Variants in TMEM132D observed in about 807,000 individuals in gnomAD.
The protein encoded by TMEM132D is mature OL transmembrane protein.
In TMEM132D, 21 loss-of-function variants were observed where a neutral mutation model predicts 62.3. The ratio of observed to expected loss-of-function variants is 0.34; its 90% CI spans 0.24 to 0.49. The LOEUF is 0.49. TMEM132D is among the 20% of genes least tolerant of loss of function. TMEM132D has a pLI of 0.99. For missense variants in TMEM132D, 1,346 were observed against 1,402.8 expected, an observed-to-expected ratio of 0.96 and a Z score of 0.65; for synonymous variants, 621 against 575.6, an observed-to-expected ratio of 1.08 and a Z score of -1.13.
Position 129,779,849 on chromosome 12 carries a change from C to G in TMEM132D, c.80-79151G>C, listed in dbSNP as rs552137136. ...AGACAGAGAGAAATGAACTGAGCTG[C>G]GAGGACAATAATTAAAAGAATCTGC... is the stretch of plus-strand genomic sequence containing the variant. On this transcript the variant is annotated intron_variant, in intron 1 of 8. Transcript: ENST00000422113. The surrounding 1 kb of genome is among the most constrained non-coding windows in gnomAD (Gnocchi z 4.1). Among the ~76,000 whole-genome samples the G allele has an allele frequency of 5.3e-5, 8 of 152,054 alleles. No individual in the cohort carries two copies. Among genetic ancestry groups the G allele is most frequent in the African/African-American group, 1.7e-4 (7 of 41,396 alleles).
At chr12:129,537,029 G>A (rs546471653) in intron 2 of TMEM132D, among the ~76,000 whole-genome samples, 161 of 151,920 alleles carry the variant, frequency 1.1e-3, no homozygotes, top group African/African-American at 3.6e-3. Flanking sequence ...GGTGGTGTAT[G>A]CCTGTAATCC....
At chr12:129,589,458 T>G (rs1878130456) in intron 2 of TMEM132D, among the ~76,000 whole-genome samples, 1 of 152,178 alleles carries the variant, frequency 6.6e-6, no homozygotes, top group African/African-American at 2.4e-5. Context: ...GGGGAAGGGA[T>G]GGACAATTGG....
intron 1 of TMEM132D, among the ~76,000 whole-genome samples, chr12:129,843,638 C>T (rs540279391): frequency 5.9e-5 from 9 of 152,222 alleles, no homozygotes; most frequent in Non-Finnish European, 1.3e-4. Flanking sequence ...CAGGAAGGGA[C>T]CTTCACAGTA....
intron 3 of TMEM132D, among the ~76,000 whole-genome samples, chr12:129,386,117 C>A (rs2135690446): frequency 6.6e-6 from 1 of 152,270 alleles, no homozygotes; most frequent in East Asian, 1.9e-4. Context: ...CAGCATACAC[C>A]CTTGATCTCA....
At chr12:129,602,226 T>C (rs1450473095) in intron 2 of TMEM132D, among the ~76,000 whole-genome samples, 2 of 152,194 alleles carry the variant, frequency 1.3e-5, no homozygotes, top group African/African-American at 4.8e-5. Flanking sequence ...GCAAGTATTA[T>C]ATCCACACTA....
intron 3 of TMEM132D, among the ~76,000 whole-genome samples, chr12:129,349,919 A>T (rs1391719517): frequency 6.6e-6 from 1 of 152,202 alleles, no homozygotes; most frequent in African/African-American, 2.4e-5. Context: ...CTAGGAATTC[A>T]GTACCACCTT....
At position 129,301,901 on chromosome 12, in the gene TMEM132D, C is replaced by T. The variant is rs78595855; in HGVS notation, c.1299+35733G>A. Reference sequence around the variant, plus strand: ...ATTCTATTGTCTCAGGTGGTGATGACGCTGAAGGGAACATAATATTTTAGG... The same window carrying T: ...ATTCTATTGTCTCAGGTGGTGATGATGCTGAAGGGAACATAATATTTTAGG... On this transcript the variant is annotated intron_variant, in intron 4 of 8. Transcript: ENST00000422113. Among the ~76,000 whole-genome samples, 491 of 151,942 alleles carry T rather than the reference C, an allele frequency of 3.2e-3. 8 individuals carry two copies. The highest frequency in any genetic ancestry group is 0.011 in the African/African-American group (436 of 41,440).
Position 129,074,592 on chromosome 12 carries a change from G to T in TMEM132D, c.2583C>A (p.Ile861=), listed in dbSNP as rs1874187611. The T allele has an allele frequency of 6.2e-7, 1 of 1,614,062 alleles. No individual in the cohort carries two copies. Among genetic ancestry groups the T allele is most frequent in the Non-Finnish European group, 8.5e-7 (1 of 1,180,026 alleles). Residue 861 remains isoleucine, a synonymous_variant, in exon 9 of 9, where the codon ATC becomes ATA. Transcript: ENST00000422113. ...TTTCCTGGCCTTTCTTCTTCTGCAG[G>T]ATGGACCTGTCTGTCGTGGTGCCCC... is the stretch of plus-strand genomic sequence containing the variant. The part of the protein sequence containing the change: ...EGRGTTTDRS[I]LQKKKGQESL...
chr12:129,096,045 G>C (rs1475744757), intron 5 of TMEM132D, among the ~76,000 whole-genome samples: 2 of 152,186 alleles, frequency 1.3e-5, no homozygotes, highest in African/African-American at 2.4e-5. Flanking sequence ...TCATAGATCA[G>C]AGGTGTTAAA....
chr12:129,285,539 A>AAAAAAAAAAAAAAAAAAAAAAAAAAG (rs56018646), intron 4 of TMEM132D, among the ~76,000 whole-genome samples: 1 of 90,030 alleles, frequency 1.1e-5, no homozygotes, highest in Non-Finnish European at 2.1e-5. Flanking sequence ...AAAAAAAAAA[A>AAAAAAAAAAAAAAAAAAAAAAAAAAG]AGAGAGAGAG....
intron 2 of TMEM132D, among the ~76,000 whole-genome samples, chr12:129,644,314 T>G (rs749433743): frequency 6.6e-6 from 1 of 152,170 alleles, no homozygotes; most frequent in African/African-American, 2.4e-5. Flanking sequence ...TTTTCAGAGT[T>G]CACAATTCTT....
intron 2 of TMEM132D, among the ~76,000 whole-genome samples, chr12:129,656,851 T>A (rs1314233270): frequency 6.6e-6 from 1 of 152,200 alleles, no homozygotes; most frequent in Non-Finnish European, 1.5e-5. Flanking sequence ...AAGTATCTCA[T>A]CTGATGTTAC....
Position 129,695,651 on chromosome 12 carries a change from G to A in TMEM132D, c.968+4159C>T, listed in dbSNP as rs561937518. Reference sequence around the variant, plus strand: ...ATGTATTCTTAATGAAGGGTAATTCGAGGAACCATTTTACTTCATGGAAGC... The same window carrying A: ...ATGTATTCTTAATGAAGGGTAATTCAAGGAACCATTTTACTTCATGGAAGC... On this transcript the variant is annotated intron_variant, in intron 2 of 8. Coordinates refer to ENST00000422113, the MANE Select transcript of TMEM132D (RefSeq NM_133448.3). Among the ~76,000 whole-genome samples the A allele has an allele frequency of 4.6e-5, 7 of 152,360 alleles. No homozygotes were observed. The South Asian group carries it at 1.2e-3, about 27-fold the overall frequency.
chr12:129,743,656 C>T (rs1228272973), intron 1 of TMEM132D, among the ~76,000 whole-genome samples: 1 of 152,158 alleles, frequency 6.6e-6, no homozygotes, highest in Non-Finnish European at 1.5e-5. Context: ...TCCTTGAAAC[C>T]TGTGAACATG....
rs200644267 is a variant in TMEM132D, at chr12:129,588,793, C to T, written c.969-57588G>A. On this transcript the variant is annotated intron_variant, in intron 2 of 8. Transcript: ENST00000422113. ...ATTTTTAGTAGAGACAGGGTTTCAC[C>T]GTGTTATACTCATTTATAAATCCAA... is the stretch of plus-strand genomic sequence containing the variant. 3.0e-4 allele frequency among the ~76,000 whole-genome samples: 42 copies of T among 140,672 alleles called. No homozygotes were observed. In the East Asian group the frequency reaches 5.8e-3, roughly 19 times the overall value. 92.3% of individuals were successfully genotyped at this position (140,672 alleles called of 152,430 possible). A position where few individuals can be genotyped will look rare whatever the true frequency, so the allele number is the denominator to read the frequency against.
intron 3 of TMEM132D, among the ~76,000 whole-genome samples, chr12:129,432,979 G>A (rs1189364647): frequency 1.3e-5 from 2 of 152,122 alleles, no homozygotes; most frequent in Admixed American, 1.3e-4. Context: ...GCAACATAGG[G>A]TAGTTTCATC....
In TMEM132D at chr12:129,074,637, A is replaced by G. The variant is rs1217009454; in HGVS notation, c.2538T>C (p.Ser846=). 6.2e-7 allele frequency: 1 copy of G among 1,613,994 alleles called. No homozygotes were observed. The part of the protein sequence containing the change: ...SQEGQYYGSS[S]MGLMEGRGTT... The stretch of plus-strand genomic sequence containing the variant: ...TGCCCCGTCCCTCCATGAGTCCCAT[A>G]GAAGAACTGCCATAGTACTGTCCTT... Residue 846 remains serine, a synonymous_variant, in exon 9 of 9, where the codon TCT becomes TCC. Transcript: ENST00000422113.
At chr12:129,850,927 G>C (rs1873518380) in intron 1 of TMEM132D, among the ~76,000 whole-genome samples, 1 of 152,138 alleles carries the variant, frequency 6.6e-6, no homozygotes, top group Non-Finnish European at 1.5e-5. Context: ...CAGCAGCTAG[G>C]CATTTTTTAT....
At chr12:129,821,957 G>A (rs77907633) in intron 1 of TMEM132D, among the ~76,000 whole-genome samples, 11,641 of 152,220 alleles carry the variant, frequency 0.076, 502 homozygotes, top group South Asian at 0.13. Flanking sequence ...TTGATCTCCT[G>A]CTGTATGCTG....
Sources: allele counts gnomAD v4.1 joint callset (sites outside exome capture counted in the v4.1 genomes callset), GRCh38; gene constraint gnomAD v4.1.1; non-coding constraint Gnocchi (gnomAD v3.1); transcripts MANE v1.5; gene names NCBI Gene and HGNC (gene_info 2026-07-23, HGNC 2026-07-21).